ZFYVE16: variants seen among roughly 807,000 people sequenced by gnomAD.
ZFYVE16 encodes zinc finger FYVE domain-containing protein 16.
A neutral mutation model predicts 138.1 loss-of-function variants in ZFYVE16; 89 were observed. That is an observed-to-expected ratio of 0.64 (90% CI 0.54 to 0.77). The LOEUF (loss-of-function observed/expected upper bound fraction) is 0.77. Ranked by LOEUF, ZFYVE16 falls within the 30% of genes least tolerant of loss-of-function variation. The pLI is 0.00. For synonymous variants in ZFYVE16, 596 were observed against 618.3 expected (o/e 0.96, Z 0.53); for missense variants, 1,793 against 1,786.7 (o/e 1.00, Z -0.06).
chr5:80,454,038 A>T (rs1752255645), intron 11 of ZFYVE16: 1 of 152,194 alleles, frequency 6.6e-6, no homozygotes, highest in Non-Finnish European at 1.5e-5. Context: ...CTAGCAGTTA[A>T]TCATTTCCTT....
intron 14 of ZFYVE16, 99 bp downstream of exon 14, chr5:80,457,191 T>C: frequency 6.9e-7 from 1 of 1,453,470 alleles, no homozygotes; most frequent in Non-Finnish European, 9.2e-7. Flanking sequence ...ATTTGCTGAA[T>C]TGTTGGTGAT....
At chr5:80,474,442 A>T (rs2112557181) in intron 17 of ZFYVE16, among the ~76,000 whole-genome samples, 1 of 152,324 alleles carries the variant, frequency 6.6e-6, no homozygotes, top group African/African-American at 2.4e-5. Context: ...CTTGCTACAA[A>T]TTAACCTTAG....
rs1162910533 is a variant in ZFYVE16 at position 80,478,419 on chromosome 5, A to AT, written c.*1048dup. On this transcript the variant is annotated 3_prime_UTR_variant, in exon 19 of 19. Coordinates refer to ENST00000505560, the MANE Select transcript of ZFYVE16 (RefSeq NM_001284236.3). ...ATTTTAAATTCTTTATATGGTAGTT[A>AT]TTTTTTATAACAGGATATTAACATA... The AT allele has an allele frequency of 2.0e-5, 3 of 152,074 alleles. No homozygotes were observed. Among genetic ancestry groups the AT allele is most frequent in the Non-Finnish European group, 2.9e-5 (2 of 67,940 alleles). 9.4% of individuals were successfully genotyped at this position (152,074 alleles called of 1,614,324 possible).
In ZFYVE16 at chr5:80,456,467, C is replaced by G. The variant is rs540280891; in HGVS notation, c.3697C>G (p.Arg1233Gly). Residue 1233 changes from arginine to glycine, a missense_variant, in exon 13 of 19, where the codon CGA (arginine) becomes GGA (glycine). Coordinates refer to ENST00000505560, the MANE Select transcript of ZFYVE16 (RefSeq NM_001284236.3). ...HTIMNLLVDLRNYQYTLHNID... is the reference protein window; with the variant it reads ...HTIMNLLVDLGNYQYTLHNID... ...ATGCAATTATTCTATGTAGGACCTT[C>G]GAAATTACCAGTATACCTTGCATAA... The G allele has an allele frequency of 2.5e-6, 4 of 1,609,872 alleles. No homozygotes were observed. Among genetic ancestry groups the G allele is most frequent in the Non-Finnish European group, 3.4e-6 (4 of 1,177,526 alleles).
intron 15 of ZFYVE16, among the ~76,000 whole-genome samples, chr5:80,462,396 G>A (rs534301526): frequency 1.1e-3 from 169 of 152,268 alleles, no homozygotes; most frequent in African/African-American, 3.9e-3. Context: ...AGGGGGAAGA[G>A]CCCCTTATAA....
rs1755257422 is a variant in ZFYVE16, at chr5:80,481,212, G to C, written c.*3835G>C. 6.6e-6 allele frequency among the ~76,000 whole-genome samples: 1 copy of C among 152,144 alleles called. No individual in the cohort carries two copies. Among genetic ancestry groups the C allele is most frequent in the Non-Finnish European group, 1.5e-5 (1 of 68,034 alleles). On this transcript the variant is annotated 3_prime_UTR_variant, in exon 19 of 19. Transcript: ENST00000505560. ...CTCTTCTCTTCCCCCTGGTGCACTA[G>C]TGGCAGACATTGCAGGGCAGAACAC... is the stretch of plus-strand genomic sequence containing the variant.
intron 15 of ZFYVE16, among the ~76,000 whole-genome samples, chr5:80,460,390 G>GTT (rs907913220): frequency 6.6e-6 from 1 of 151,818 alleles, no homozygotes; most frequent in Non-Finnish European, 1.5e-5. Context: ...CTCCTCTCCC[G>GTT]TTTTTAGTGT....
At chr5:80,448,758 G>T (rs1395342296) in intron 8 of ZFYVE16, among the ~76,000 whole-genome samples, 1 of 151,982 alleles carries the variant, frequency 6.6e-6, no homozygotes, top group Non-Finnish European at 1.5e-5. Flanking sequence ...TAGATTGGAT[G>T]GCAAAGCTAG....
In ZFYVE16 at chr5:80,477,296, T is replaced by C; in HGVS notation, c.4539T>C (p.Pro1513=). Residue 1513 remains proline (P), a synonymous_variant, in exon 19 of 19, where the codon CCT becomes CCC. Coordinates refer to ENST00000505560, the MANE Select transcript of ZFYVE16 (RefSeq NM_001284236.3). ...ATGATCTTGATAGTGCTCTGATACCTGTGATCCATGGTGGGACCTCCAACT... is the reference window on the plus strand; with the variant it reads ...ATGATCTTGATAGTGCTCTGATACCCGTGATCCATGGTGGGACCTCCAACT... The part of the protein sequence containing the change: ...YLNDLDSALI[P]VIHGGTSNSS... The C allele has an allele frequency of 3.7e-6, 6 of 1,610,412 alleles. No homozygotes were observed. The highest frequency in any genetic ancestry group is 5.1e-6 in the Non-Finnish European group (6 of 1,178,812).
At chr5:80,472,354 C>A (rs1754466497) in intron 15 of ZFYVE16, among the ~76,000 whole-genome samples, 1 of 151,298 alleles carries the variant, frequency 6.6e-6, no homozygotes, top group Non-Finnish European at 1.5e-5. Context: ...CTCATGGTGA[C>A]CCACTAAGCT....
intron 11 of ZFYVE16, among the ~76,000 whole-genome samples, chr5:80,453,784 A>C (rs1752228414): frequency 6.6e-6 from 1 of 152,206 alleles, no homozygotes; most frequent in Non-Finnish European, 1.5e-5. Context: ...AAGTCCCAAG[A>C]ATAAAGACTA....
intron 1 of ZFYVE16, among the ~76,000 whole-genome samples, chr5:80,419,148 G>A (rs1746705812): frequency 6.6e-6 from 1 of 151,416 alleles, no homozygotes; most frequent in Non-Finnish European, 1.5e-5. Context: ...TGTAATCATG[G>A]CTCTCTGCAG....
At chr5:80,413,995 T>C (rs1745843702) in intron 1 of ZFYVE16, among the ~76,000 whole-genome samples, 1 of 152,238 alleles carries the variant, frequency 6.6e-6, no homozygotes, top group African/African-American at 2.4e-5. Context: ...ATGTTAACTT[T>C]TAGTTATTTG....
chr5:80,421,435 C>T lies in ZFYVE16; in HGVS notation c.-93-6057C>T, dbSNP rs937755423. 1.2e-4 allele frequency among the ~76,000 whole-genome samples: 19 copies of T among 152,210 alleles called. 1 individual carries two copies. Among genetic ancestry groups the T allele is most frequent in the African/African-American group, 4.6e-4 (19 of 41,452 alleles). Reference sequence around the variant, plus strand: ...AGGGTTTTTATGGTTTTAGGTCTAACATTTAAGTCTTTAGTCCATCTTAAA... The same window carrying T: ...AGGGTTTTTATGGTTTTAGGTCTAATATTTAAGTCTTTAGTCCATCTTAAA... On this transcript the variant is annotated intron_variant, in intron 1 of 18. Transcript: ENST00000505560.
Position 80,448,390 on chromosome 5 carries a change from G to C in ZFYVE16, c.3089G>C (p.Gly1030Ala). Residue 1030 changes from glycine (G) to alanine (A), a missense_variant, in exon 8 of 19, where the codon GGA becomes GCA. By Grantham distance (60) the Gly-to-Ala change is moderately conservative. Transcript: ENST00000505560. ...TTGCCCCCACTTCTGGTTGCATCTGGAGAAAAGGGATCAGGTAGGGAAGCA... is the reference window on the plus strand; with the variant it reads ...TTGCCCCCACTTCTGGTTGCATCTGCAGAAAAGGGATCAGGTAGGGAAGCA... ...DSLPPLLVASGEKGSVPVVEE... is the reference protein window; with the variant it reads ...DSLPPLLVASAEKGSVPVVEE... 1.3e-6 allele frequency: 2 copies of C among 1,535,652 alleles called. No individual in the cohort carries two copies. Among genetic ancestry groups the C allele is most frequent in the Non-Finnish European group, 1.7e-6 (2 of 1,146,180 alleles).
chr5:80,435,890 T>C (rs1749838012), intron 3 of ZFYVE16: 2 of 205,510 alleles, frequency 9.7e-6, no homozygotes, highest in South Asian at 1.0e-4. Context: ...TAAGTTATTT[T>C]TTTGAGTGGA....
intron 15 of ZFYVE16, among the ~76,000 whole-genome samples, chr5:80,464,431 A>T (rs894498173): frequency 2.0e-5 from 3 of 152,112 alleles, no homozygotes; most frequent in Admixed American, 6.5e-5. Flanking sequence ...ATGGAGGGAA[A>T]CTGCCCCCAT....
rs567966569 is a variant in ZFYVE16 at position 80,443,860 on chromosome 5, C to T, written c.2581+576C>T. On this transcript the variant is annotated intron_variant, in intron 6 of 18. Transcript: ENST00000505560. Reference sequence around the variant, plus strand: ...GAGTCTGGGAATTGCACTTTCCAGACTTCCAGCCTGGCATCCAAGAGCCCA... The same window carrying T: ...GAGTCTGGGAATTGCACTTTCCAGATTTCCAGCCTGGCATCCAAGAGCCCA... 1,495 of 456,286 alleles carry T rather than the reference C, an allele frequency of 3.3e-3. 14 individuals carry two copies. Among genetic ancestry groups the T allele is most frequent in the South Asian group, 7.2e-3 (462 of 64,570 alleles). The allele number at this position is 456,286 out of a possible 1,614,324, so 28.3% of individuals were successfully genotyped here.
chr5:80,456,976 A>G lies in ZFYVE16; in HGVS notation c.3827A>G (p.His1276Arg). ...VMKVLNSSNE[H>R]VISIGASFST... ...AAAGTACTAAATTCTTCCAATGAGC[A>G]TGTCATTAGCATTGGAGCAAGTTTC... Residue 1276 changes from histidine (H) to arginine (R), a missense_variant, in exon 14 of 19, where the codon CAT becomes CGT. Coordinates refer to ENST00000505560, the MANE Select transcript of ZFYVE16 (RefSeq NM_001284236.3). The G allele has an allele frequency of 6.2e-7, 1 of 1,604,444 alleles. No individual in the cohort carries two copies. Among genetic ancestry groups the G allele is most frequent in the Non-Finnish European group, 8.5e-7 (1 of 1,177,716 alleles).
Sources: allele counts gnomAD v4.1 joint callset (sites outside exome capture counted in the v4.1 genomes callset), GRCh38; gene constraint gnomAD v4.1.1; transcripts MANE v1.5; gene names NCBI Gene and HGNC (gene_info 2026-07-23, HGNC 2026-07-21).